The following KLHL29 variants were observed in gnomAD, a reference collection of about 807,000 sequenced individuals.
KLHL29 encodes the protein kelch-like protein 29.
A neutral mutation model predicts 80.4 loss-of-function variants in KLHL29; 21 were observed. The observed-to-expected ratio is 0.26, with a 90% CI of 0.19 to 0.38. KLHL29 has a LOEUF of 0.38. Among genes scored for constraint, KLHL29 ranks in the 10% least tolerant of loss-of-function variants. KLHL29 has a pLI of 1.00. For missense variants in KLHL29, 867 were observed against 1,223.9 expected, an observed-to-expected ratio of 0.71 and a Z score of 4.35; for synonymous variants, 511 against 526.8, an observed-to-expected ratio of 0.97 and a Z score of 0.41.
chr2:23,454,077 G>A (rs1023323880), intron 1 of KLHL29, among the ~76,000 whole-genome samples: 1 of 152,190 alleles, frequency 6.6e-6, no homozygotes, highest in Non-Finnish European at 1.5e-5. Context: ...GCCTAATTGT[G>A]TTGTATTTGT....
chr2:23,464,362 A>G (rs2103430395), intron 1 of KLHL29, among the ~76,000 whole-genome samples: 1 of 152,338 alleles, frequency 6.6e-6, no homozygotes, highest in South Asian at 2.1e-4. Context: ...CCCCGCCAGC[A>G]GCTTTCAGCC....
chr2:23,594,777 A>G (rs1212334546), intron 3 of KLHL29, among the ~76,000 whole-genome samples: 6 of 152,198 alleles, frequency 3.9e-5, no homozygotes, highest in Non-Finnish European at 8.8e-5. Context: ...CTCCCATTCT[A>G]CATCATCTTG....
intron 5 of KLHL29, among the ~76,000 whole-genome samples, chr2:23,677,335 TAGG>T (rs1292858946): frequency 6.6e-6 from 1 of 152,232 alleles, no homozygotes; most frequent in Non-Finnish European, 1.5e-5. Flanking sequence ...TAACTGTTCC[TAGG>T]ACTTTGGCTC....
chr2:23,467,445 T>A (rs557028126), intron 1 of KLHL29, among the ~76,000 whole-genome samples: 1 of 152,366 alleles, frequency 6.6e-6, no homozygotes, highest in East Asian at 1.9e-4. Context: ...CTGTCTGTAG[T>A]TTATTTTTAA....
At chr2:23,560,245 C>A (rs1572401065) in intron 2 of KLHL29, among the ~76,000 whole-genome samples, 1 of 144,888 alleles carries the variant, frequency 6.9e-6, no homozygotes, top group Admixed American at 6.8e-5. Context: ...ATTTTTTAAC[C>A]ATGTAATATT....
chr2:23,703,562 C>T (rs1672525062), intron 12 of KLHL29, among the ~76,000 whole-genome samples, 157 bp from the exon 13 acceptor site: 1 of 152,230 alleles, frequency 6.6e-6, no homozygotes, highest in Non-Finnish European at 1.5e-5. Flanking sequence ...TGAGTCAAGG[C>T]TCCAGGTTCC....
chr2:23,602,875 C>T (rs911567621), intron 3 of KLHL29, among the ~76,000 whole-genome samples: 34 of 152,182 alleles, frequency 2.2e-4, no homozygotes, highest in Admixed American at 1.2e-3. Flanking sequence ...ACCCCATTGG[C>T]TCAGTGAGAT....
intron 1 of KLHL29, among the ~76,000 whole-genome samples, chr2:23,435,875 TTTTC>T (rs1423691066): frequency 1.3e-5 from 2 of 151,810 alleles, no homozygotes; most frequent in Middle Eastern, 3.2e-3. Flanking sequence ...TAGTTCTGGG[TTTTC>T]TTTCTTTCTC....
At chr2:23,673,835 A>G (rs542465759) in intron 5 of KLHL29, among the ~76,000 whole-genome samples, 48 of 147,638 alleles carry the variant, frequency 3.3e-4, no homozygotes, top group Non-Finnish European at 7.2e-4. Context: ...GTTTGCACAC[A>G]CCATATGTTC....
chr2:23,413,410 A>G (rs926545542), intron 1 of KLHL29, among the ~76,000 whole-genome samples: 1 of 152,190 alleles, frequency 6.6e-6, no homozygotes, highest in Non-Finnish European at 1.5e-5. Context: ...GGGTGTCACC[A>G]TATGGTCACT....
intron 5 of KLHL29, among the ~76,000 whole-genome samples, chr2:23,676,937 A>G (rs6713865): frequency 0.16 from 24,700 of 152,106 alleles, 2,115 homozygotes; most frequent in Middle Eastern, 0.24. Flanking sequence ...GGTCACAGGA[A>G]GATTGAGGTG....
At chr2:23,559,800 G>A (rs1667403815) in intron 2 of KLHL29, among the ~76,000 whole-genome samples, 1 of 152,050 alleles carries the variant, frequency 6.6e-6, no homozygotes, top group African/African-American at 2.4e-5. Flanking sequence ...AGAGGGGATG[G>A]AGGGATGAGA....
chr2:23,586,831 T>G (rs893242365), intron 3 of KLHL29, among the ~76,000 whole-genome samples: 3 of 151,816 alleles, frequency 2.0e-5, no homozygotes, highest in African/African-American at 7.3e-5. Context: ...TGTAGTTAGT[T>G]GTCTAAATGC....
At chr2:23,689,842 C>T (rs3795938) in intron 6 of KLHL29, 78,197 of 152,246 alleles carry the variant, frequency 0.51, 21,253 homozygotes, top group East Asian at 0.78. Context: ...ATTATTTTTA[C>T]GCTTAACAAA....
chr2:23,651,134 G>A (rs904182602), intron 5 of KLHL29, among the ~76,000 whole-genome samples: 1 of 152,148 alleles, frequency 6.6e-6, no homozygotes, highest in Non-Finnish European at 1.5e-5. Flanking sequence ...ATGGCTGAAA[G>A]GTCGCCATCC....
chr2:23,456,108 A>G (rs535610102), intron 1 of KLHL29, among the ~76,000 whole-genome samples: 115 of 152,264 alleles, frequency 7.6e-4, no homozygotes, highest in Middle Eastern at 6.8e-3. Context: ...ATAAATTCCC[A>G]TTGTTTAAAC....
At chr2:23,436,280 TTGTGTG>T (rs57931176) in intron 1 of KLHL29, among the ~76,000 whole-genome samples, 11,361 of 136,890 alleles carry the variant, frequency 0.083, 624 homozygotes, top group East Asian at 0.2. Flanking sequence ...CCAATCAGCT[TTGTGTG>T]TGTGTGTGTG....
intron 8 of KLHL29, among the ~76,000 whole-genome samples, chr2:23,694,547 G>GAA (rs769777536): frequency 6.6e-6 from 1 of 152,128 alleles, no homozygotes; most frequent in African/African-American, 2.4e-5. Flanking sequence ...CTCCACAGGG[G>GAA]AAACTGTGCA....
intron 3 of KLHL29, among the ~76,000 whole-genome samples, chr2:23,581,411 G>A (rs1307168528): frequency 1.3e-5 from 2 of 152,214 alleles, no homozygotes; most frequent in African/African-American, 2.4e-5. Flanking sequence ...TGGGAAGGCA[G>A]CTTCCCTAAT....
Sources: allele counts gnomAD v4.1 joint callset (sites outside exome capture counted in the v4.1 genomes callset), GRCh38; gene constraint gnomAD v4.1.1; transcripts MANE v1.5; gene names NCBI Gene and HGNC (gene_info 2026-07-23, HGNC 2026-07-21).